Variants in GFM2 observed in about 807,000 individuals in gnomAD.
The protein encoded by GFM2 is GTP dependent ribosome recycling factor mitochondrial 2, also known as ribosome-releasing factor 2, mitochondrial.
A neutral mutation model predicts 95.4 loss-of-function variants in GFM2; 72 were observed. That is an observed-to-expected ratio of 0.76 (90% CI 0.62 to 0.92). GFM2 has a LOEUF of 0.92. GFM2 is among the 40% of genes least tolerant of loss of function. The probability of loss-of-function intolerance (pLI) is 0.00; values close to 1 mark genes in which losing one functional copy is unlikely to be tolerated. For missense variants in GFM2, 825 were observed against 924.1 expected (o/e 0.89, Z 1.39); for synonymous variants, 276 against 317.5 (o/e 0.87, Z 1.39).
chr5:74,766,253 G>A (rs1263979522), intron 1 of GFM2, among the ~76,000 whole-genome samples: 5 of 152,190 alleles, frequency 3.3e-5, no homozygotes, highest in Non-Finnish European at 5.9e-5. Context: ...GCGGTGAGCC[G>A]AGCTCGTGCC....
intron 16 of GFM2, chr5:74,730,722 T>C (rs1247813481): frequency 5.7e-6 from 1 of 176,928 alleles, no homozygotes; most frequent in Non-Finnish European, 1.2e-5. Flanking sequence ...CAAAGCCAAA[T>C]TTCTGGCCAA....
chr5:74,756,620 T>C (rs1743998020), intron 5 of GFM2, among the ~76,000 whole-genome samples: 1 of 152,076 alleles, frequency 6.6e-6, no homozygotes, highest in Admixed American at 6.6e-5. Flanking sequence ...TTTTGCACAG[T>C]GGTTGTACTA....
rs1280521739 is a variant in GFM2 at position 74,738,345 on chromosome 5, G to A, written c.1293C>T (p.Asn431=). 1.2e-6 allele frequency: 2 copies of A among 1,613,356 alleles called. No homozygotes were observed. The highest frequency in any genetic ancestry group is 8.5e-7 in the Non-Finnish European group (1 of 1,179,502). Residue 431 remains asparagine, a synonymous_variant, in exon 14 of 21, where the codon AAC becomes AAT. Coordinates refer to ENST00000296805, the MANE Select transcript of GFM2 (RefSeq NM_032380.5). ...HVEIPSLTAG[N]IALTVGLKHT... ...GTTTAAGCCCAACAGTCAAAGCAAT[G>A]TTACCAGCAGTCAATGAAGGGATTT...
chr5:74,733,238 C>A, intron 15 of GFM2, 140 bp from the exon 16 acceptor site: 2 of 599,172 alleles, frequency 3.3e-6, no homozygotes, highest in African/African-American at 1.9e-5. Flanking sequence ...CGTCTGTAAT[C>A]CCAGCACTTT....
At chr5:74,747,813 G>T in intron 7 of GFM2, 33 bp from the exon 8 acceptor site, 3 of 1,215,266 alleles carry the variant, frequency 2.5e-6, no homozygotes, top group South Asian at 1.3e-5. Context: ...AATACATACT[G>T]AACAAAAGTA....
At chr5:74,748,983 C>T (rs1209400525) in intron 7 of GFM2, among the ~76,000 whole-genome samples, 1 of 149,196 alleles carries the variant, frequency 6.7e-6, no homozygotes, top group Non-Finnish European at 1.5e-5. Flanking sequence ...TCCAAATAGT[C>T]TTCCAAAGTA....
intron 20 of GFM2, 48 bp from the exon 21 acceptor site, chr5:74,721,831 A>C (rs375616454): frequency 6.5e-7 from 1 of 1,541,426 alleles, no homozygotes; most frequent in Non-Finnish European, 8.8e-7. Context: ...TTAAGCCTCA[A>C]GTTTCTCTTC....
At chr5:74,748,927 T>TAATA (rs879746030) in intron 7 of GFM2, among the ~76,000 whole-genome samples, 1 of 139,428 alleles carries the variant, frequency 7.2e-6, no homozygotes, top group African/African-American at 2.8e-5. Flanking sequence ...TAAAAAAAAA[T>TAATA]AAAAAAAATA....
At chr5:74,764,778 G>GT (rs757160377) in intron 1 of GFM2, among the ~76,000 whole-genome samples, 5,800 of 70,538 alleles carry the variant, frequency 0.082, 886 homozygotes, top group African/African-American at 0.24. Flanking sequence ...TCCCTTTGTT[G>GT]TTTTTTTTTT....
intron 5 of GFM2, among the ~76,000 whole-genome samples, chr5:74,754,046 T>C (rs896691560): frequency 1.3e-5 from 2 of 152,172 alleles, no homozygotes; most frequent in Non-Finnish European, 2.9e-5. Context: ...TAGTAGGAAT[T>C]TGGGTCCTAC....
At chr5:74,727,479 C>A (rs1384639236) in intron 17 of GFM2, among the ~76,000 whole-genome samples, 1 of 152,122 alleles carries the variant, frequency 6.6e-6, no homozygotes, top group Non-Finnish European at 1.5e-5. Flanking sequence ...CGACTCCAGC[C>A]CTACTCCCCA....
chr5:74,731,095 G>A (rs1742539406), intron 16 of GFM2, among the ~76,000 whole-genome samples: 1 of 152,188 alleles, frequency 6.6e-6, no homozygotes. Context: ...TTACAGGCGT[G>A]AGCCACCGCA....
At chr5:74,764,525 T>C (rs1428587089) in intron 1 of GFM2, among the ~76,000 whole-genome samples, 1 of 152,128 alleles carries the variant, frequency 6.6e-6, no homozygotes, top group Non-Finnish European at 1.5e-5. Context: ...CATCAGCTAT[T>C]GTTAGTTATC....
At chr5:74,755,491 A>C (rs1580013025) in intron 5 of GFM2, among the ~76,000 whole-genome samples, 1 of 152,322 alleles carries the variant, frequency 6.6e-6, no homozygotes, top group Non-Finnish European at 1.5e-5. Context: ...AGTAAGATTA[A>C]CCAAGAACAG....
chr5:74,737,996 C>T (rs1160684192), intron 14 of GFM2, among the ~76,000 whole-genome samples: 6 of 151,998 alleles, frequency 3.9e-5, no homozygotes. Flanking sequence ...TAGGAATAAA[C>T]CCAATGGGAA....
intron 16 of GFM2, 133 bp from the exon 17 acceptor site, chr5:74,730,531 G>A (rs545335329): frequency 1.6e-4 from 93 of 571,486 alleles, no homozygotes; most frequent in Non-Finnish European, 2.2e-4. Flanking sequence ...TTTTTGGCCC[G>A]GGGCTTTTAC....
In GFM2 at chr5:74,728,748, C is replaced by CTTT. The variant is rs57180600; in HGVS notation, c.1726+1509_1726+1511dup. 1.3e-3 allele frequency among the ~76,000 whole-genome samples: 75 copies of CTTT among 58,246 alleles called. 14 individuals are homozygous for CTTT. The highest frequency in any genetic ancestry group is 2.9e-3 in the African/African-American group (47 of 16,248). The allele number at this position is 58,246 out of a possible 152,430, so 38.2% of individuals were successfully genotyped here. A position where few individuals can be genotyped will look rare whatever the true frequency, so the allele number is the denominator to read the frequency against. The stretch of plus-strand genomic sequence containing the variant: ...AATATTCTTTTATGTGTGGGGGTTT[C>CTTT]TTTTTTTTTTTTTTTTTTTTTTTTT... On this transcript the variant is annotated intron_variant, in intron 17 of 20. Transcript: ENST00000296805.
At chr5:74,732,029 A>G (rs1432049775) in intron 16 of GFM2, among the ~76,000 whole-genome samples, 1 of 151,072 alleles carries the variant, frequency 6.6e-6, no homozygotes, top group Admixed American at 6.6e-5. Context: ...ATCACAGCTC[A>G]CTGTGGCCTT....
At chr5:74,743,036 CT>C (rs1418487434) in intron 10 of GFM2, among the ~76,000 whole-genome samples, 2 of 152,290 alleles carry the variant, frequency 1.3e-5, no homozygotes, top group Non-Finnish European at 2.9e-5. Context: ...CTCCAGAACT[CT>C]TTTCAACTTG....
Sources: allele counts gnomAD v4.1 joint callset (sites outside exome capture counted in the v4.1 genomes callset), GRCh38; gene constraint gnomAD v4.1.1; transcripts MANE v1.5; gene names NCBI Gene and HGNC (gene_info 2026-07-23, HGNC 2026-07-21).